The following FAM81A variants were observed in gnomAD, a reference collection of about 807,000 sequenced individuals.
FAM81A encodes family with sequence similarity 81 member A.
A neutral mutation model predicts 46.7 loss-of-function variants in FAM81A; 19 were observed. The ratio of observed to expected loss-of-function variants is 0.41; its 90% confidence interval spans 0.28 to 0.60. FAM81A has a LOEUF of 0.60. FAM81A is among the 20% of genes least tolerant of loss of function. The probability of loss-of-function intolerance (pLI) is 0.34; values close to 1 mark genes in which losing one functional copy is unlikely to be tolerated. For synonymous variants in FAM81A, 183 were observed against 152.9 expected (o/e 1.20, Z -1.45); for missense variants, 377 against 453.5 (o/e 0.83, Z 1.53).
chr15:59,498,897 C>T (rs1373772619), intron 4 of FAM81A, among the ~76,000 whole-genome samples: 1 of 152,136 alleles, frequency 6.6e-6, no homozygotes, highest in African/African-American at 2.4e-5. Context: ...TCAAGTGATC[C>T]ACCTGCCTCG....
chr15:59,510,192 C>G (rs542894478), intron 6 of FAM81A, among the ~76,000 whole-genome samples: 2 of 151,958 alleles, frequency 1.3e-5, no homozygotes, highest in South Asian at 2.1e-4. Flanking sequence ...ATGGTGAAAC[C>G]CTGTCTCTAC....
chr15:59,516,686 G>A lies in FAM81A; in HGVS notation c.828G>A (p.Met276Ile), dbSNP rs765505043. The change falls in exon 8 of 9, where the codon ATG (methionine) becomes ATA (isoleucine). Residue 276 changes from methionine to isoleucine, a missense_variant. Coordinates refer to ENST00000288228, the MANE Select transcript of FAM81A (RefSeq NM_152450.3). ...ATATGGAGAAGAAGCTCAGCCAGAT[G>A]TCAGCCAGGCTTGACAAAATAGAAG... is the stretch of plus-strand genomic sequence containing the variant. ...ERDMEKKLSQ[M>I]SARLDKIEEG... The A allele has an allele frequency of 5.0e-6, 8 of 1,613,608 alleles. No homozygotes were observed. The highest frequency in any genetic ancestry group is 1.7e-5 in the Admixed American group (1 of 59,888).
chr15:59,401,301 C>A (rs1251075910), intron 1 of FAM81A: 1 of 854,002 alleles, frequency 1.2e-6, no homozygotes, highest in African/African-American at 1.7e-5. Context: ...AAATAACTGC[C>A]GCCTTGCATC....
chr15:59,415,758 G>A (rs554732725), intron 2 of FAM81A, among the ~76,000 whole-genome samples: 1 of 152,182 alleles, frequency 6.6e-6, no homozygotes, highest in Admixed American at 6.5e-5. Context: ...TTTAATGACA[G>A]CAAAAAGAAT....
chr15:59,473,971 C>T (rs1357628876), intron 3 of FAM81A, among the ~76,000 whole-genome samples: 2 of 152,126 alleles, frequency 1.3e-5, no homozygotes, highest in Non-Finnish European at 2.9e-5. Context: ...GCTACAGTGC[C>T]CAGCCAGAAC....
chr15:59,484,790 C>T (rs2081897419), intron 3 of FAM81A, among the ~76,000 whole-genome samples: 1 of 152,134 alleles, frequency 6.6e-6, no homozygotes, highest in South Asian at 2.1e-4. Context: ...AGCTTGGCCA[C>T]AGTGGAGAGG....
chr15:59,418,730 G>A (rs1482665772), intron 2 of FAM81A, among the ~76,000 whole-genome samples: 1 of 152,228 alleles, frequency 6.6e-6, no homozygotes, highest in African/African-American at 2.4e-5. Context: ...AGACAAGCAT[G>A]TGTTTAAATC....
intron 3 of FAM81A, among the ~76,000 whole-genome samples, chr15:59,487,231 T>C (rs569777629): frequency 2.8e-4 from 41 of 146,386 alleles, no homozygotes; most frequent in Non-Finnish European, 3.8e-4. Context: ...ATATTATATA[T>C]ATATTATATA....
At chr15:59,499,533 TG>T (rs1199405976) in intron 4 of FAM81A, among the ~76,000 whole-genome samples, 3 of 152,210 alleles carry the variant, frequency 2.0e-5, no homozygotes, top group Non-Finnish European at 4.4e-5. Flanking sequence ...AATTACTAAC[TG>T]GGGCACTTGC....
At chr15:59,513,111 T>C (rs1294954354) in intron 6 of FAM81A, among the ~76,000 whole-genome samples, 1 of 152,112 alleles carries the variant, frequency 6.6e-6, no homozygotes, top group Non-Finnish European at 1.5e-5. Flanking sequence ...CATATTATAA[T>C]AAAAACTGGA....
intron 6 of FAM81A, among the ~76,000 whole-genome samples, chr15:59,512,235 G>A (rs1286201108): frequency 1.3e-5 from 2 of 152,032 alleles, no homozygotes; most frequent in East Asian, 2.0e-4. Context: ...TCCCAGCACT[G>A]TGGGAGGCCA....
intron 1 of FAM81A, chr15:59,440,115 T>C (rs1487485664): frequency 6.6e-6 from 1 of 152,200 alleles, no homozygotes; most frequent in African/African-American, 2.4e-5. Context: ...CCAAGTCTCC[T>C]CTCGGAAGGT....
rs2082345457 is a variant in FAM81A at position 59,523,314 on chromosome 15, G to A, written c.*1936G>A. On this transcript the variant is annotated 3_prime_UTR_variant, in exon 9 of 9. Transcript: ENST00000288228. ...CATGTTGAAATCATCCAGAGGAGTT[G>A]GGAAATCTACTGATGCCCCGCTGTG... The A allele has an allele frequency of 6.6e-6, 1 of 152,254 alleles. No individual in the cohort carries two copies. Among genetic ancestry groups the A allele is most frequent in the Non-Finnish European group, 1.5e-5 (1 of 68,076 alleles). The allele number at this position is 152,254 out of a possible 1,614,324, so 9.4% of individuals were successfully genotyped here. A position where few individuals can be genotyped will look rare whatever the true frequency, so the allele number is the denominator to read the frequency against.
chr15:59,471,740 CT>C (rs1272662205), intron 3 of FAM81A, among the ~76,000 whole-genome samples: 1 of 151,954 alleles, frequency 6.6e-6, no homozygotes, highest in Non-Finnish European at 1.5e-5. Flanking sequence ...ACCTGGTCTC[CT>C]TTTTTTGATA....
intron 2 of FAM81A, among the ~76,000 whole-genome samples, chr15:59,412,669 G>C (rs569021134): frequency 1.3e-5 from 2 of 152,034 alleles, no homozygotes; most frequent in Non-Finnish European, 2.9e-5. Context: ...TGAGGCTGCA[G>C]TGAGCTGTGA....
chr15:59,458,673 A>T (rs1273751589), intron 2 of FAM81A, 27 bp downstream of exon 2: 1 of 1,590,744 alleles, frequency 6.3e-7, no homozygotes, highest in Non-Finnish European at 8.6e-7. Flanking sequence ...CACTCATCCC[A>T]TGGGGGCTGC....
At chr15:59,519,472 TTTCC>T (rs1188676232) in intron 8 of FAM81A, among the ~76,000 whole-genome samples, 34 of 96,868 alleles carry the variant, frequency 3.5e-4, no homozygotes, top group Non-Finnish European at 4.2e-4. Context: ...CCCTCCCTCC[TTTCC>T]TTCCTTCCTT....
chr15:59,468,059 C>T (rs143759938), intron 3 of FAM81A, among the ~76,000 whole-genome samples: 2,101 of 152,168 alleles, frequency 0.014, 40 homozygotes, highest in African/African-American at 0.049. Flanking sequence ...GGGATGAAGC[C>T]AACTTGATCT....
At chr15:59,486,696 T>TA (rs561075239) in intron 3 of FAM81A, among the ~76,000 whole-genome samples, 165 of 152,212 alleles carry the variant, frequency 1.1e-3, no homozygotes, top group Non-Finnish European at 2.2e-4. Flanking sequence ...GGAGCTCCAA[T>TA]AAGTTTGGCA....
Sources: allele counts gnomAD v4.1 joint callset (sites outside exome capture counted in the v4.1 genomes callset), GRCh38; gene constraint gnomAD v4.1.1; transcripts MANE v1.5; gene names NCBI Gene and HGNC (gene_info 2026-07-23, HGNC 2026-07-21).